XAGE5: variants seen among roughly 807,000 people sequenced by gnomAD.
XAGE5 encodes G antigen, family D, 5.
A neutral mutation model predicts 13.1 loss-of-function variants in XAGE5; 13 were observed. The observed-to-expected ratio is 0.99, with a 90% CI of 0.64 to 1.57. The LOEUF is 1.57. Among genes scored for constraint, XAGE5 ranks in the 40% most tolerant of loss-of-function variants. The pLI is 0.00. For missense variants in XAGE5, 86 were observed against 77.6 expected, an observed-to-expected ratio of 1.11 and a Z score of -0.41; for synonymous variants, 17 against 25.0, an observed-to-expected ratio of 0.68 and a Z score of 0.96.
intron 2 of XAGE5, 49 bp from the exon 3 acceptor site, chrX:52,812,510 G>A (rs1556777470): frequency 8.9e-7 from 1 of 1,128,262 alleles, no homozygotes; most frequent in Admixed American, 2.2e-5. Flanking sequence ...CTGACCTCAG[G>A]TGATCCATCC....
At position 52,818,279 on chromosome X, in the gene XAGE5, A is replaced by G; in HGVS notation, c.*66A>G. Reference sequence around the variant, plus strand: ...ATATTTGACTTTTAAAAATCTCAATAAAGTTTTCCAGTTTTCTCCAAAGAA... The same window carrying G: ...ATATTTGACTTTTAAAAATCTCAATGAAGTTTTCCAGTTTTCTCCAAAGAA... On this transcript the variant is annotated 3_prime_UTR_variant, in exon 6 of 6. Coordinates refer to ENST00000375501, the MANE Select transcript of XAGE5 (RefSeq NM_001386970.1). The G allele has an allele frequency of 3.5e-6, 4 of 1,159,060 alleles. No individual in the cohort carries two copies. The highest frequency in any genetic ancestry group is 4.7e-6 in the Non-Finnish European group (4 of 851,867).
chrX:52,815,241 A>C, intron 5 of XAGE5, 24 bp downstream of exon 5: 2 of 1,192,916 alleles, frequency 1.7e-6, no homozygotes, highest in Non-Finnish European at 2.3e-6. Flanking sequence ...TAAGATTAAA[A>C]ATTATGTGCT....
At chrX:52,811,867 G>C (rs932328889) in intron 2 of XAGE5, among the ~76,000 whole-genome samples, 148 bp downstream of exon 2, 1 of 111,119 alleles carries the variant, frequency 9.0e-6, no homozygotes, top group Admixed American at 9.6e-5. Context: ...AGTTCGAATG[G>C]GTGGAAGGGG....
chrX:52,814,949 T>C (rs1926876220), intron 4 of XAGE5, 143 bp from the exon 5 acceptor site: 1 of 637,654 alleles, frequency 1.6e-6, no homozygotes, highest in Admixed American at 3.7e-5. Context: ...TAAGATAAGA[T>C]ATCATAATAC....
chrX:52,814,804 A>T (rs1278659835), intron 4 of XAGE5: 1 of 249,770 alleles, frequency 4.0e-6, no homozygotes, highest in African/African-American at 2.9e-5. Flanking sequence ...CCTTCAGAAA[A>T]TTACATTTAA....
At chrX:52,812,256 T>G in intron 2 of XAGE5, 1 of 243,840 alleles carries the variant, frequency 4.1e-6, no homozygotes, top group East Asian at 8.1e-5. Context: ...AATCACAATA[T>G]TCTGGTTTTT....
In XAGE5 at chrX:52,812,577, G is replaced by A. The variant is rs138253902; in HGVS notation, c.11G>A (p.Arg4Gln). MSW[R>Q]GRRYRPRRCL... The stretch of plus-strand genomic sequence containing the variant: ...TTTGCAGACTGAAATATGAGTTGGC[G>A]AGGAAGAAGATATAGACCAAGACGA... Residue 4 changes from arginine (R) to glutamine (Q), a missense_variant, in exon 3 of 6, where the codon CGA becomes CAA. Arg to Gln is a conservative substitution (Grantham distance 43, BLOSUM62 1). Coordinates refer to ENST00000375501, the MANE Select transcript of XAGE5 (RefSeq NM_001386970.1). The A allele has an allele frequency of 1.2e-4, 147 of 1,209,606 alleles. No homozygotes were observed. The highest frequency in any genetic ancestry group is 2.4e-4 in the Admixed American group (11 of 45,723).
At chrX:52,816,755 A>G (rs1166531516) in intron 5 of XAGE5, among the ~76,000 whole-genome samples, 1 of 112,217 alleles carries the variant, frequency 8.9e-6, no homozygotes, top group Non-Finnish European at 1.9e-5. Context: ...AATTACATCA[A>G]TAGATAGTTT....
rs182273090 is a variant in XAGE5, at chrX:52,812,253, A to G, written c.-8-306A>G. 4.4e-4 allele frequency: 105 copies of G among 238,098 alleles called. 1 individual carries two copies. Among genetic ancestry groups the G allele is most frequent in the African/African-American group, 2.5e-3 (87 of 35,386 alleles). The allele number at this position is 238,098 out of a possible 1,213,427, so 19.6% of individuals were successfully genotyped here. On this transcript the variant is annotated intron_variant, in intron 2 of 5. Transcript: ENST00000375501. ...ACTCAGGTGCATTTTTCCAATCACA[A>G]TATTCTGGTTTTTGCTTTGGTTTGG...
intron 5 of XAGE5, 79 bp downstream of exon 5, chrX:52,815,296 A>C: frequency 9.6e-7 from 1 of 1,047,028 alleles, no homozygotes; most frequent in East Asian, 3.2e-5. Context: ...AAAGGAGAGA[A>C]TATTACTGCC....
At chrX:52,812,453 T>TA in intron 2 of XAGE5, 106 bp from the exon 3 acceptor site, 1 of 631,050 alleles carries the variant, frequency 1.6e-6, no homozygotes, top group Non-Finnish European at 2.5e-6. Flanking sequence ...TTTGTATTTT[T>TA]AGTAGAGACG....
chrX:52,812,166 T>TA, intron 2 of XAGE5: 1 of 134,936 alleles, frequency 7.4e-6, no homozygotes. Flanking sequence ...TTCAATGTCT[T>TA]ACCAAATTTT....
intron 3 of XAGE5, among the ~76,000 whole-genome samples, 157 bp downstream of exon 3, chrX:52,812,795 A>C (rs782128764): frequency 9.0e-6 from 1 of 111,708 alleles, no homozygotes; most frequent in Admixed American, 9.5e-5. Flanking sequence ...AGAAGACTAC[A>C]TACTGTTTTT....
chrX:52,812,369 T>C, intron 2 of XAGE5, 190 bp from the exon 3 acceptor site: 1 of 359,156 alleles, frequency 2.8e-6, no homozygotes, highest in Non-Finnish European at 4.8e-6. Context: ...CGCCCCCCGG[T>C]TCAAGTGGTT....
At chrX:52,816,301 A>G (rs1401624209) in intron 5 of XAGE5, among the ~76,000 whole-genome samples, 2 of 111,164 alleles carry the variant, frequency 1.8e-5, no homozygotes, top group African/African-American at 6.5e-5. Context: ...CATTCAGACC[A>G]TTCCCGCAGT....
intron 3 of XAGE5, 121 bp downstream of exon 3, chrX:52,812,759 C>T (rs1159252510): frequency 1.5e-6 from 1 of 667,212 alleles, no homozygotes; most frequent in African/African-American, 2.2e-5. Flanking sequence ...ATGATCATGG[C>T]ATCTCATGAA....
intron 4 of XAGE5, 148 bp from the exon 5 acceptor site, chrX:52,814,944 T>G: frequency 1.6e-6 from 1 of 608,400 alleles, no homozygotes. Context: ...TCATTTAAGA[T>G]AAGATATCAT....
At chrX:52,812,527 G>C in intron 2 of XAGE5, 32 bp from the exon 3 acceptor site, 1 of 1,183,122 alleles carries the variant, frequency 8.5e-7, no homozygotes, top group Non-Finnish European at 1.1e-6. Flanking sequence ...ATCCCCCTCA[G>C]CCTCCCAAAG....
chrX:52,812,508 A>G, intron 2 of XAGE5, 51 bp from the exon 3 acceptor site: 1 of 1,117,774 alleles, frequency 8.9e-7, no homozygotes. Context: ...TTCTGACCTC[A>G]GGTGATCCAT....
Sources: gnomAD v4.1 joint callset for allele counts (sites outside exome capture counted in the v4.1 genomes callset) on GRCh38, gnomAD v4.1.1 for gene constraint, MANE v1.5 for transcripts, NCBI Gene and HGNC (gene_info 2026-07-23, HGNC 2026-07-21) for gene names.